The following COLQ variants were observed in gnomAD, a reference collection of about 807,000 sequenced individuals.
COLQ encodes the protein collagen like tail subunit of asymmetric acetylcholinesterase.
In COLQ, 48 loss-of-function variants were observed where a neutral mutation model predicts 69.0. That is an observed-to-expected ratio of 0.70 (90% confidence interval 0.55 to 0.88). The LOEUF (loss-of-function observed/expected upper bound fraction) is 0.88, where lower values mean the gene tolerates loss of function less well. COLQ is among the 40% of genes least tolerant of loss of function. The pLI, the probability that COLQ is intolerant of heterozygous loss-of-function variation, is 0.00. For synonymous variants in COLQ, 217 were observed against 211.2 expected, an observed-to-expected ratio of 1.03 and a Z score of -0.24; for missense variants, 618 against 594.6, an observed-to-expected ratio of 1.04 and a Z score of -0.41.
At chr3:15,507,896 G>A (rs973237545) in intron 1 of COLQ, among the ~76,000 whole-genome samples, 5 of 151,910 alleles carry the variant, frequency 3.3e-5, no homozygotes, top group African/African-American at 1.2e-4. Flanking sequence ...CTATATATAG[G>A]AAAGAAACAC....
chr3:15,455,908 C>T lies in COLQ; in HGVS notation c.1186G>A (p.Asp396Asn), dbSNP rs748582765. Residue 396 changes from aspartate (D) to asparagine (N), a missense_variant, in exon 15 of 17, where the codon GAC becomes AAC. Physicochemically the swap from Asp to Asn is conservative, Grantham distance 23. Coordinates refer to ENST00000383788, the MANE Select transcript of COLQ (RefSeq NM_005677.4). ...TCTGGGCCTCACTCACGGATGCAGT[C>T]GTCACCCACATCGCTGTTACCGTCG... ...CDDGNSDVGDDCIRCHRAYCG... is the reference protein window; with the variant it reads ...CDDGNSDVGDNCIRCHRAYCG... The T allele has an allele frequency of 6.8e-6, 11 of 1,614,094 alleles. No homozygotes were observed. In the Admixed American group the frequency reaches 1.0e-4, roughly 15 times the overall value.
chr3:15,497,036 C>CTTTTTTTTTTTTTTTT (rs371974104), intron 1 of COLQ, among the ~76,000 whole-genome samples: 1 of 107,530 alleles, frequency 9.3e-6, no homozygotes, highest in African/African-American at 3.7e-5. Flanking sequence ...GTCCTTTTGC[C>CTTTTTTTTTTTTTTTT]TTTTTTTTTT....
intron 16 of COLQ, 83 bp downstream of exon 16, chr3:15,453,744 CAA>C (rs1184540689): frequency 2.2e-6 from 2 of 919,644 alleles, no homozygotes; most frequent in Non-Finnish European, 3.4e-6. Context: ...GAGAGGCACT[CAA>C]AATATTTGTG....
chr3:15,480,255 A>G (rs1196549657), intron 3 of COLQ, among the ~76,000 whole-genome samples: 2 of 152,242 alleles, frequency 1.3e-5, no homozygotes. Context: ...ATATGTATAC[A>G]TGTGCCATCT....
chr3:15,466,457 A>T lies in COLQ; in HGVS notation c.718-20T>A. Reference sequence around the variant, plus strand: ...CTGTCCCTGACAGAGAGAAAGGCAGAGCCTGTTATGAAAGCATGACATAGC... The same window carrying T: ...CTGTCCCTGACAGAGAGAAAGGCAGTGCCTGTTATGAAAGCATGACATAGC... On this transcript the variant is annotated intron_variant, in intron 11 of 16. Coordinates refer to ENST00000383788, the MANE Select transcript of COLQ (RefSeq NM_005677.4). 1 of 1,601,950 alleles carries T rather than the reference A, an allele frequency of 6.2e-7. No homozygotes were observed. Among genetic ancestry groups the T allele is most frequent in the Non-Finnish European group, 8.6e-7 (1 of 1,169,030 alleles).
In COLQ at chr3:15,472,850, CTTCTT is replaced by C. The variant is rs565354594; in HGVS notation, c.636+1145_636+1149del. Among the ~76,000 whole-genome samples, 736 of 151,520 alleles carry C rather than the reference CTTCTT, an allele frequency of 4.9e-3. 7 individuals are homozygous for C. The highest frequency in any genetic ancestry group is 0.015 in the African/African-American group (636 of 41,158). ...TCTCTCTCTCTTTCTTCACTTCTTT[CTTCTT>C]TTCTTTTCTTTTCTTTTTTTTCAGA... On this transcript the variant is annotated intron_variant, in intron 10 of 16. Transcript: ENST00000383788.
In COLQ at chr3:15,478,497, A is replaced by G. The variant is rs74442407; in HGVS notation, c.393+480T>C. ...TGACACTAATGAGAGCCTTGATAAC[A>G]TGTGTTTGGTTCACGCAGAGTCACC... On this transcript the variant is annotated intron_variant, in intron 5 of 16. Transcript: ENST00000383788. 729 of 207,422 alleles carry G rather than the reference A, an allele frequency of 3.5e-3. 15 individuals carry two copies. The highest frequency in any genetic ancestry group is 0.032 in the South Asian group (366 of 11,590). The allele number at this position is 207,422 out of a possible 1,614,324, so 12.8% of individuals were successfully genotyped here.
chr3:15,470,778 G>A (rs1430013123), intron 10 of COLQ, 162 bp from the exon 11 acceptor site: 5 of 719,160 alleles, frequency 7.0e-6, no homozygotes, highest in African/African-American at 5.2e-5. Flanking sequence ...AGGAAGTCAT[G>A]AGAAAGGCAG....
intron 12 of COLQ, among the ~76,000 whole-genome samples, chr3:15,462,320 G>A (rs533477733): frequency 1.8e-4 from 27 of 152,178 alleles, no homozygotes; most frequent in Non-Finnish European, 3.2e-4. Flanking sequence ...GTAAGCCACC[G>A]CGCCCGGCTG....
At chr3:15,513,403 T>A (rs1292655491) in intron 1 of COLQ, among the ~76,000 whole-genome samples, 1 of 152,178 alleles carries the variant, frequency 6.6e-6, no homozygotes, top group East Asian at 1.9e-4. Flanking sequence ...CAGAGTCTTG[T>A]GTCTATGCCA....
At chr3:15,518,194 C>T (rs1396975521) in intron 1 of COLQ, among the ~76,000 whole-genome samples, 1 of 152,222 alleles carries the variant, frequency 6.6e-6, no homozygotes, top group African/African-American at 2.4e-5. Context: ...GATCCACCCA[C>T]CTCAGCCTCC....
chr3:15,500,519 G>A (rs1045828601), intron 1 of COLQ, among the ~76,000 whole-genome samples: 2 of 152,120 alleles, frequency 1.3e-5, no homozygotes, highest in Non-Finnish European at 2.9e-5. Flanking sequence ...CTCAGCTGTA[G>A]TTTGTTTCAT....
At chr3:15,498,912 A>G in intron 1 of COLQ, 1 of 1,275,860 alleles carries the variant, frequency 7.8e-7, no homozygotes, top group South Asian at 1.7e-5. Context: ...CCTGCAAGCC[A>G]AGAGGAAATT....
Position 15,486,992 on chromosome 3 carries a change from C to T in COLQ, c.321+1214G>A, listed in dbSNP as rs142462677. Among the ~76,000 whole-genome samples, 1,419 of 152,246 alleles carry T rather than the reference C, an allele frequency of 9.3e-3. 40 individuals are homozygous for T. Among genetic ancestry groups the T allele is most frequent in the Admixed American group, 0.066 (1,005 of 15,302 alleles). ...CTTCGATGTTTTATTGAAACTTTGC[C>T]GCAGGATTTGATCCACAGATATAGT... On this transcript the variant is annotated intron_variant, in intron 3 of 16. Transcript: ENST00000383788.
intron 1 of COLQ, among the ~76,000 whole-genome samples, chr3:15,515,576 G>A (rs570155821): frequency 1.1e-3 from 171 of 152,308 alleles, no homozygotes; most frequent in African/African-American, 3.8e-3. Flanking sequence ...TTGGGAGGCT[G>A]AGGCAGACAG....
chr3:15,451,335 C>T lies in COLQ; in HGVS notation c.*309G>A, dbSNP rs946817147. On this transcript the variant is annotated 3_prime_UTR_variant, in exon 17 of 17. Transcript: ENST00000383788. ...AACAGTGCTCAGCCAAGTCCACGGC[C>T]TGGGTCAGCAACATTCCAGAAGAGG... The T allele has an allele frequency of 5.7e-6, 3 of 527,700 alleles. No homozygotes were observed. The highest frequency in any genetic ancestry group is 3.5e-6 in the Non-Finnish European group (1 of 285,534). 32.7% of individuals were successfully genotyped at this position (527,700 alleles called of 1,614,324 possible).
intron 11 of COLQ, among the ~76,000 whole-genome samples, chr3:15,470,134 C>T (rs2062257320): frequency 6.6e-6 from 1 of 152,140 alleles, no homozygotes; most frequent in South Asian, 2.1e-4. Context: ...ACCCAGAAGA[C>T]CTCTCAACAG....
intron 1 of COLQ, 48 bp downstream of exon 1, chr3:15,521,472 C>T (rs775770741): frequency 6.2e-7 from 1 of 1,611,424 alleles, no homozygotes; most frequent in Non-Finnish European, 8.5e-7. Flanking sequence ...CCTTCCTCCC[C>T]CTGTCCCCTG....
In COLQ at chr3:15,488,314, T is replaced by C; in HGVS notation, c.220-7A>G. On this transcript the variant is annotated splice_region_variant and splice_polypyrimidine_tract_variant and intron_variant, in intron 2 of 16. Transcript: ENST00000383788. ...TCATGTCTGGGGAGAGAAGCTTCAG[T>C]ACAAAGCAACACAGAGTTAGAGGTC... The C allele has an allele frequency of 6.2e-7, 1 of 1,612,120 alleles. No individual in the cohort carries two copies.
Sources: gnomAD v4.1 joint callset for allele counts (sites outside exome capture counted in the v4.1 genomes callset) on GRCh38, gnomAD v4.1.1 for gene constraint, MANE v1.5 for transcripts, NCBI Gene and HGNC (gene_info 2026-07-23, HGNC 2026-07-21) for gene names.